The following MDFI variants were observed in gnomAD, a reference collection of about 807,000 sequenced individuals.
MDFI encodes the protein inhibitor of MyoD family a.
In MDFI, 16 loss-of-function variants were observed where a neutral mutation model predicts 22.3. The ratio of observed to expected loss-of-function variants is 0.72; its 90% CI spans 0.49 to 1.09. The LOEUF (loss-of-function observed/expected upper bound fraction) is 1.09, where lower values mean the gene tolerates loss of function less well. Ranked by LOEUF, MDFI falls within the 50% of genes least tolerant of loss-of-function variation. MDFI has a pLI of 0.00. For missense variants in MDFI, 314 were observed against 326.1 expected, an observed-to-expected ratio of 0.96 and a Z score of 0.29; for synonymous variants, 145 against 142.7, an observed-to-expected ratio of 1.02 and a Z score of -0.12.
intron 2 of MDFI, chr6:41,639,099 A>G (rs2495231): frequency 4.6e-6 from 2 of 434,850 alleles, no homozygotes; most frequent in Admixed American, 1.4e-4. Flanking sequence ...CACACACACA[A>G]ACACACACAC....
At chr6:41,649,488 T>C in intron 3 of MDFI, 131 bp from the exon 4 acceptor site, 1 of 794,460 alleles carries the variant, frequency 1.3e-6, no homozygotes, top group Non-Finnish European at 2.0e-6. Context: ...AGTTTCCCCA[T>C]CTGCAGGATA....
chr6:41,649,179 C>G (rs1485484052), intron 3 of MDFI, among the ~76,000 whole-genome samples: 2 of 152,258 alleles, frequency 1.3e-5, no homozygotes, highest in Admixed American at 1.3e-4. Flanking sequence ...GCAATAACAG[C>G]TGGGGGCTTG....
At chr6:41,637,097 G>A (rs1283252905), upstream of MDFI, 1 of 152,198 alleles carries the variant, frequency 6.6e-6, no homozygotes, top group Non-Finnish European at 1.5e-5. The surrounding 1 kb of genome is among the most constrained non-coding windows in gnomAD (Gnocchi z 6.8). Context: ...GACCCCCGCG[G>A]CTAGCAGCCC....
chr6:41,643,025 C>G (rs1040050766), intron 2 of MDFI, among the ~76,000 whole-genome samples: 3 of 152,170 alleles, frequency 2.0e-5, no homozygotes, highest in African/African-American at 7.2e-5. Flanking sequence ...AGTCCTGGCT[C>G]TCTCTACCAT....
intron 2 of MDFI, chr6:41,639,284 G>T (rs1344062369): frequency 1.0e-6 from 1 of 985,284 alleles, no homozygotes; most frequent in African/African-American, 1.7e-5. Flanking sequence ...TGTCTGCCGC[G>T]AGCGGCTGCA....
intron 2 of MDFI, among the ~76,000 whole-genome samples, 186 bp downstream of exon 2, chr6:41,639,011 C>T (rs1286740921): frequency 1.3e-5 from 2 of 152,104 alleles, no homozygotes; most frequent in Non-Finnish European, 2.9e-5. Context: ...GCGAGGGAGG[C>T]AGGGCCCTGA....
chr6:41,644,396 A>G (rs1767971384), intron 2 of MDFI, among the ~76,000 whole-genome samples: 1 of 152,082 alleles, frequency 6.6e-6, no homozygotes, highest in Non-Finnish European at 1.5e-5. Flanking sequence ...GTCTCCAGGC[A>G]AGCCCTGTGG....
chr6:41,640,163 G>C (rs1767798693), intron 2 of MDFI, among the ~76,000 whole-genome samples: 1 of 152,142 alleles, frequency 6.6e-6, no homozygotes, highest in Non-Finnish European at 1.5e-5. Context: ...CACTTGGAAG[G>C]GTCCTTCTCT....
At chr6:41,639,297 A>T (rs933403915) in intron 2 of MDFI, 1 of 985,054 alleles carries the variant, frequency 1.0e-6, no homozygotes, top group East Asian at 1.1e-4. Flanking sequence ...CGGCTGCAGG[A>T]CCCAGCCCCT....
Position 41,653,600 on chromosome 6 carries a change from C to T in MDFI, c.*25C>T. ...AGCCTCTGTCGGGGGCTAAGCCAGC[C>T]TGGCGCCCCTGCAGATTCCAGCAGG... On this transcript the variant is annotated 3_prime_UTR_variant, in exon 5 of 5. Coordinates refer to ENST00000230321, the MANE Select transcript of MDFI (RefSeq NM_005586.4). The surrounding 1 kb of genome is among the most constrained non-coding windows in gnomAD (Gnocchi z 4.2). 1 of 1,597,370 alleles carries T rather than the reference C, an allele frequency of 6.3e-7. No homozygotes were observed. Among genetic ancestry groups the T allele is most frequent in the Non-Finnish European group, 8.5e-7 (1 of 1,178,094 alleles).
chr6:41,650,016 G>A, intron 4 of MDFI, 173 bp downstream of exon 4: 2 of 628,614 alleles, frequency 3.2e-6, no homozygotes, highest in Non-Finnish European at 5.4e-6. Flanking sequence ...AACAAGCCCT[G>A]CAGGGAACCT....
At chr6:41,645,090 G>A (rs1256354789) in intron 2 of MDFI, among the ~76,000 whole-genome samples, 2 of 152,020 alleles carry the variant, frequency 1.3e-5, no homozygotes, top group Non-Finnish European at 1.5e-5. Context: ...TTTGGGGAGG[G>A]GGCAGGTGGA....
Position 41,653,529 on chromosome 6 carries a change from G to T in MDFI, c.695G>T (p.Cys232Phe). ...ILDACCESADCLEICMECCGL... is the reference protein window; with the variant it reads ...ILDACCESADFLEICMECCGL... ...GATGCCTGCTGCGAGTCCGCGGACT[G>T]CCTGGAGATCTGCATGGAGTGCTGT... is the stretch of plus-strand genomic sequence containing the variant. The change falls in exon 5 of 5, where the codon TGC becomes TTC. Residue 232 changes from cysteine to phenylalanine, a missense_variant. By Grantham distance (205) the Cys-to-Phe change is radical. Transcript: ENST00000230321. This position sits in a 1 kb window ranked among gnomAD's most constrained non-coding sequence, Gnocchi z 4.2. 2 of 1,601,600 alleles carry T rather than the reference G, an allele frequency of 1.2e-6. No homozygotes were observed. The highest frequency in any genetic ancestry group is 1.7e-6 in the Non-Finnish European group (2 of 1,179,942).
chr6:41,653,708 T>C lies in MDFI; in HGVS notation c.*133T>C. On this transcript the variant is annotated 3_prime_UTR_variant, in exon 5 of 5. Coordinates refer to ENST00000230321, the MANE Select transcript of MDFI (RefSeq NM_005586.4). The surrounding 1 kb of genome is among the most constrained non-coding windows in gnomAD (Gnocchi z 4.2). ...TCCCTGGTCCTCTCCTACCCACCCATGTCCTCTCAGAACCCCAGCCTTGAA... is the reference window on the plus strand; with the variant it reads ...TCCCTGGTCCTCTCCTACCCACCCACGTCCTCTCAGAACCCCAGCCTTGAA... 2 of 1,160,918 alleles carry C rather than the reference T, an allele frequency of 1.7e-6. No individual in the cohort carries two copies. Among genetic ancestry groups the C allele is most frequent in the Non-Finnish European group, 2.4e-6 (2 of 832,056 alleles). 71.9% of individuals were successfully genotyped at this position (1,160,918 alleles called of 1,614,324 possible).
chr6:41,650,596 T>A (rs547822156), intron 4 of MDFI, among the ~76,000 whole-genome samples: 1 of 128,704 alleles, frequency 7.8e-6, no homozygotes, highest in Admixed American at 9.0e-5. Flanking sequence ...TTTTTTGAGA[T>A]GGAGTCTTGC....
At position 41,644,643 on chromosome 6, in the gene MDFI, A is replaced by G. The variant is rs192148273; in HGVS notation, c.77-1483A>G. 1.1e-3 allele frequency among the ~76,000 whole-genome samples: 166 copies of G among 151,914 alleles called. 1 individual carries two copies. The highest frequency in any genetic ancestry group is 1.9e-3 in the Non-Finnish European group (127 of 67,888). On this transcript the variant is annotated intron_variant, in intron 2 of 4. Coordinates refer to ENST00000230321, the MANE Select transcript of MDFI (RefSeq NM_005586.4). ...TCCAACTCCCATCCCCCAGGCCTGC[A>G]TGCCCAAGCCTCCACTGATCCCTCT...
At chr6:41,639,274 T>G in intron 2 of MDFI, 1 of 985,360 alleles carries the variant, frequency 1.0e-6, no homozygotes, top group African/African-American at 1.7e-5. Flanking sequence ...CGAAAACTTT[T>G]GTCTGCCGCG....
intron 3 of MDFI, 55 bp from the exon 4 acceptor site, chr6:41,649,564 G>T (rs1768179572): frequency 6.9e-7 from 1 of 1,456,760 alleles, no homozygotes; most frequent in South Asian, 1.3e-5. Context: ...GCATAGCTCT[G>T]GGGGCCGAAT....
At chr6:41,637,398 G>A (rs1581820860), upstream of MDFI, 1 of 152,186 alleles carries the variant, frequency 6.6e-6, no homozygotes, top group South Asian at 2.1e-4. This position sits in a 1 kb window ranked among gnomAD's most constrained non-coding sequence, Gnocchi z 6.8. Context: ...GTGGCCTGGT[G>A]CCGCCGCTGC....
Sources: allele counts gnomAD v4.1 joint callset (sites outside exome capture counted in the v4.1 genomes callset), GRCh38; gene constraint gnomAD v4.1.1; non-coding constraint Gnocchi (gnomAD v3.1); transcripts MANE v1.5; gene names NCBI Gene and HGNC (gene_info 2026-07-23, HGNC 2026-07-21).